SLC71A1: variants seen among roughly 807,000 people sequenced by gnomAD.
SLC71A1 encodes the protein solute carrier family 71 member 1, also known as hippocampus abundant gene transcript 1.
chr1:100,056,988 T>C, the SLC71A1 span, among the ~76,000 whole-genome samples: 1 of 152,220 alleles, frequency 6.6e-6, no homozygotes, highest in Non-Finnish European at 1.5e-5. Flanking sequence ...TATTCAGATC[T>C]TTTGCCCGTT....
chr1:100,058,644 T>C, the SLC71A1 span: 1 of 1,309,244 alleles, frequency 7.6e-7, no homozygotes, highest in East Asian at 2.3e-5. Context: ...ATGTGATTTT[T>C]ATTTTGGTTT....
chr1:100,053,668 T>C, the SLC71A1 span, among the ~76,000 whole-genome samples: 1 of 152,202 alleles, frequency 6.6e-6, no homozygotes, highest in Non-Finnish European at 1.5e-5. Context: ...TCTTAATTTT[T>C]AAAACTAATG....
chr1:100,038,381 C>T, the SLC71A1 span: 4 of 1,307,950 alleles, frequency 3.1e-6, no homozygotes, highest in Non-Finnish European at 4.3e-6. Flanking sequence ...CTTCAGACCC[C>T]CACACTGCCG....
At chr1:100,082,259 A>G in the SLC71A1 span, 18 of 1,399,670 alleles carry the variant, frequency 1.3e-5, no homozygotes, top group African/African-American at 2.0e-4. Flanking sequence ...CTTAGTTTTC[A>G]CCTCTAGTTC....
At chr1:100,070,441 G>A in the SLC71A1 span, among the ~76,000 whole-genome samples, 5,048 of 152,212 alleles carry the variant, frequency 0.033, 310 homozygotes, top group African/African-American at 0.11. Flanking sequence ...CAGATCGTGC[G>A]GGGCTTACAG....
the SLC71A1 span, among the ~76,000 whole-genome samples, chr1:100,044,164 C>T: frequency 2.0e-5 from 3 of 152,252 alleles, no homozygotes; most frequent in East Asian, 5.8e-4. Context: ...GTTTACATTC[C>T]CAACAGCAGT....
the SLC71A1 span, chr1:100,080,713 G>T: frequency 6.7e-7 from 1 of 1,485,880 alleles, no homozygotes; most frequent in Non-Finnish European, 9.1e-7. Context: ...TAGATTAAAG[G>T]CTACTGGTTT....
chr1:100,051,915 C>T, the SLC71A1 span, among the ~76,000 whole-genome samples: 1 of 152,140 alleles, frequency 6.6e-6, no homozygotes, highest in African/African-American at 2.4e-5. Flanking sequence ...ATCCTTACAA[C>T]CACCTTATCA....
the SLC71A1 span, among the ~76,000 whole-genome samples, chr1:100,038,632 C>T: frequency 1.3e-5 from 2 of 151,996 alleles, no homozygotes; most frequent in African/African-American, 4.8e-5. Context: ...GTGCGGGGCT[C>T]CCCCGGCGGC....
the SLC71A1 span, chr1:100,080,443 A>AG: frequency 6.8e-7 from 1 of 1,461,992 alleles, no homozygotes; most frequent in Non-Finnish European, 9.5e-7. Flanking sequence ...GTTCTAAGGT[A>AG]GGGAAAAAAA....
the SLC71A1 span, among the ~76,000 whole-genome samples, chr1:100,042,134 C>T: frequency 6.6e-6 from 1 of 152,090 alleles, no homozygotes; most frequent in East Asian, 1.9e-4. Flanking sequence ...TTGAATTTTC[C>T]TTATCTTTTA....
the SLC71A1 span, chr1:100,080,447 A>G: frequency 9.1e-5 from 138 of 1,520,684 alleles, no homozygotes; most frequent in Non-Finnish European, 1.2e-4. Context: ...TAAGGTAGGG[A>G]AAAAAAACCA....
the SLC71A1 span, chr1:100,059,738 C>A: frequency 1.6e-6 from 1 of 630,078 alleles, no homozygotes; most frequent in Non-Finnish European, 2.5e-6. Flanking sequence ...TATAGATAAG[C>A]AATTGTTTAT....
the SLC71A1 span, among the ~76,000 whole-genome samples, chr1:100,051,303 A>G: frequency 6.6e-6 from 1 of 152,042 alleles, no homozygotes; most frequent in African/African-American, 2.4e-5. Context: ...AGGCAGGAGA[A>G]TCTCTTGAAC....
the SLC71A1 span, chr1:100,061,762 A>G: frequency 3.1e-6 from 3 of 957,020 alleles, no homozygotes; most frequent in Non-Finnish European, 5.0e-6. Flanking sequence ...ACGCTTAATT[A>G]ACTTATAAAA....
At chr1:100,077,197 T>C in the SLC71A1 span, 1 of 1,566,362 alleles carries the variant, frequency 6.4e-7, no homozygotes, top group Non-Finnish European at 8.7e-7. Flanking sequence ...TGAGGTCAAT[T>C]GGAAATAAGA....
the SLC71A1 span, chr1:100,078,576 A>G: frequency 6.9e-7 from 1 of 1,444,000 alleles, no homozygotes; most frequent in South Asian, 1.1e-5. Flanking sequence ...AGCGATAATT[A>G]TTTAAAAGTA....
At chr1:100,062,223 C>A in the SLC71A1 span, 2 of 261,234 alleles carry the variant, frequency 7.7e-6, no homozygotes, top group Non-Finnish European at 1.4e-5. Context: ...TTAACAGAAT[C>A]CTAAAAATAA....
the SLC71A1 span, chr1:100,068,550 A>G: frequency 6.2e-7 from 1 of 1,613,612 alleles, no homozygotes; most frequent in South Asian, 1.1e-5. Flanking sequence ...TACCGGAGGC[A>G]GGCCAATATT....
Sources: allele counts gnomAD v4.1 joint callset (sites outside exome capture counted in the v4.1 genomes callset), GRCh38; gene constraint gnomAD v4.1.1; transcripts MANE v1.5; gene names NCBI Gene and HGNC (gene_info 2026-07-23, HGNC 2026-07-21).